The following CSMD2 variants were observed in gnomAD, a reference collection of about 807,000 sequenced individuals.
CSMD2 encodes the protein CUB and sushi domain-containing protein 2.
A neutral mutation model predicts 398.5 loss-of-function variants in CSMD2; 130 were observed. The observed-to-expected ratio is 0.33, with a 90% CI of 0.28 to 0.38. CSMD2 has a LOEUF of 0.38. Ranked by LOEUF, CSMD2 falls within the 10% of genes least tolerant of loss-of-function variation. CSMD2 has a pLI of 1.00. For missense variants in CSMD2, 3,829 were observed against 4,764.9 expected (o/e 0.80, Z 5.78); for synonymous variants, 1,828 against 1,908.5 (o/e 0.96, Z 1.10).
At chr1:33,601,830 A>G (rs4652940) in intron 43 of CSMD2, among the ~76,000 whole-genome samples, 84,873 of 152,122 alleles carry the variant, frequency 0.56, 24,527 homozygotes, top group East Asian at 0.68. Context: ...AAGATTAAAT[A>G]ACATTTAAAA....
intron 25 of CSMD2, among the ~76,000 whole-genome samples, chr1:33,665,460 CTTTTTTTT>C (rs745495781): frequency 1.4e-5 from 1 of 73,914 alleles, no homozygotes; most frequent in South Asian, 4.8e-4. Flanking sequence ...TTTCTTCTCT[CTTTTTTTT>C]TTTTTTTTTT....
chr1:33,856,214 A>G (rs181611463), intron 5 of CSMD2, among the ~76,000 whole-genome samples: 22 of 152,164 alleles, frequency 1.4e-4, no homozygotes, highest in Admixed American at 1.4e-3. Context: ...CTTGAACCCA[A>G]CCCTTCAGAG....
At chr1:34,060,181 G>A (rs1654311130) in intron 2 of CSMD2, among the ~76,000 whole-genome samples, 1 of 152,036 alleles carries the variant, frequency 6.6e-6, no homozygotes, top group Admixed American at 6.6e-5. Flanking sequence ...CTGGGTCAGG[G>A]GAATGAACAT....
intron 6 of CSMD2, among the ~76,000 whole-genome samples, chr1:33,826,480 G>A (rs1246923293): frequency 6.6e-6 from 1 of 151,908 alleles, no homozygotes; most frequent in Non-Finnish European, 1.5e-5. Context: ...GAGACACATG[G>A]GGGAAGAGGG....
intron 12 of CSMD2, among the ~76,000 whole-genome samples, chr1:33,776,276 A>G (rs1441347950): frequency 6.6e-6 from 1 of 152,212 alleles, no homozygotes; most frequent in Non-Finnish European, 1.5e-5. Context: ...CATGGGACTG[A>G]GAGCACACTA....
chr1:33,627,837 A>T (rs991832414), intron 32 of CSMD2, among the ~76,000 whole-genome samples: 7 of 152,254 alleles, frequency 4.6e-5, no homozygotes, highest in African/African-American at 1.7e-4. Context: ...AGTGAAACTC[A>T]ACTTTTCTAT....
chr1:33,542,126 C>T (rs1338060181), intron 58 of CSMD2, among the ~76,000 whole-genome samples: 4 of 152,206 alleles, frequency 2.6e-5, no homozygotes, highest in African/African-American at 9.6e-5. Context: ...AATCTTGTCA[C>T]ATTTCCTCAT....
intron 3 of CSMD2, among the ~76,000 whole-genome samples, chr1:33,959,782 T>C (rs950328293): frequency 2.6e-5 from 4 of 152,086 alleles, no homozygotes; most frequent in African/African-American, 7.2e-5. Context: ...CCCTGTCCCA[T>C]GTAATGCAGC....
At chr1:34,004,082 G>A (rs866675930) in intron 3 of CSMD2, among the ~76,000 whole-genome samples, 1 of 152,170 alleles carries the variant, frequency 6.6e-6, no homozygotes, top group South Asian at 2.1e-4. Context: ...CACACAACCT[G>A]AGTACAGCCA....
At chr1:34,092,370 G>A (rs960411520) in intron 1 of CSMD2, among the ~76,000 whole-genome samples, 2 of 152,188 alleles carry the variant, frequency 1.3e-5, no homozygotes, top group Non-Finnish European at 2.9e-5. Flanking sequence ...TGATACCTAA[G>A]TTTAACTGGA....
intron 1 of CSMD2, among the ~76,000 whole-genome samples, chr1:34,130,128 G>A (rs1434997022): frequency 1.3e-5 from 2 of 152,086 alleles, no homozygotes; most frequent in African/African-American, 4.8e-5. Context: ...GTGTGGCACT[G>A]GGGGTACAGA....
At chr1:34,039,799 T>C (rs3125610) in intron 2 of CSMD2, among the ~76,000 whole-genome samples, 106,606 of 151,904 alleles carry the variant, frequency 0.7, 37,715 homozygotes, top group East Asian at 0.8. Flanking sequence ...CTTAGCTGTC[T>C]GATGTATGGC....
intron 19 of CSMD2, among the ~76,000 whole-genome samples, 181 bp from the exon 20 acceptor site, chr1:33,716,682 C>T (rs1040268001): frequency 3.9e-5 from 6 of 152,142 alleles, no homozygotes; most frequent in African/African-American, 1.2e-4. Flanking sequence ...ACACAAGTGC[C>T]CAGAGATTCA....
intron 6 of CSMD2, among the ~76,000 whole-genome samples, chr1:33,836,990 C>T (rs777742128): frequency 5.3e-5 from 8 of 152,176 alleles, no homozygotes; most frequent in Non-Finnish European, 7.3e-5. Flanking sequence ...TGTTCCTATT[C>T]GGCCATCTTG....
At position 33,731,145 on chromosome 1, in the gene CSMD2, A is replaced by T. The variant is rs927148758; in HGVS notation, c.2369-4460T>A. Among the ~76,000 whole-genome samples the T allele has an allele frequency of 1.2e-4, 18 of 152,342 alleles. No individual in the cohort carries two copies. In the Middle Eastern group the frequency reaches 0.01, roughly 86 times the overall value. Reference sequence around the variant, plus strand: ...GTATGTTTGGATTGTAATGATATTTAAAAATGTGCAACTTTGGAAGGTGTT... The same window carrying T: ...GTATGTTTGGATTGTAATGATATTTTAAAATGTGCAACTTTGGAAGGTGTT... On this transcript the variant is annotated intron_variant, in intron 15 of 70. Coordinates refer to ENST00000373381, the MANE Select transcript of CSMD2 (RefSeq NM_001281956.2).
At chr1:33,975,435 T>A (rs1156418248) in intron 3 of CSMD2, among the ~76,000 whole-genome samples, 1 of 151,130 alleles carries the variant, frequency 6.6e-6, no homozygotes, top group Non-Finnish European at 1.5e-5. Context: ...AATGAATAGA[T>A]CCCTTTTAGA....
At chr1:33,649,018 G>A (rs1387478217) in intron 28 of CSMD2, among the ~76,000 whole-genome samples, 1 of 152,178 alleles carries the variant, frequency 6.6e-6, no homozygotes, top group East Asian at 1.9e-4. Flanking sequence ...AGTTTATGTT[G>A]AGTAATAAAG....
intron 6 of CSMD2, among the ~76,000 whole-genome samples, chr1:33,829,120 C>T (rs1006539356): frequency 1.3e-5 from 2 of 152,120 alleles, no homozygotes; most frequent in Non-Finnish European, 2.9e-5. Flanking sequence ...AGTCTTTGTC[C>T]TCATCATGTT....
chr1:33,895,124 A>G (rs2125219495), intron 5 of CSMD2, among the ~76,000 whole-genome samples: 1 of 152,324 alleles, frequency 6.6e-6, no homozygotes, highest in South Asian at 2.1e-4. Context: ...TGTATGTTAG[A>G]TTCTCTGCTT....
Sources: gnomAD v4.1 joint callset for allele counts (sites outside exome capture counted in the v4.1 genomes callset) on GRCh38, gnomAD v4.1.1 for gene constraint, MANE v1.5 for transcripts, NCBI Gene and HGNC (gene_info 2026-07-23, HGNC 2026-07-21) for gene names.